Variants in SANBR observed in about 807,000 individuals in gnomAD.
SANBR encodes SANT and BTB domain regulator of class switch recombination.
Under a neutral mutation model 101.8 loss-of-function variants are expected in SANBR, and 77 were observed. That is an observed-to-expected ratio of 0.76 (90% CI 0.63 to 0.91). The LOEUF (loss-of-function observed/expected upper bound fraction) is 0.91. Ranked by LOEUF, SANBR falls within the 40% of genes least tolerant of loss-of-function variation. The pLI is 0.00. For missense variants in SANBR, 875 were observed against 853.0 expected (o/e 1.03, Z -0.32); for synonymous variants, 279 against 274.7 (o/e 1.02, Z -0.15).
At chr2:61,111,257 G>T (rs1202335454) in intron 16 of SANBR, among the ~76,000 whole-genome samples, 1 of 152,152 alleles carries the variant, frequency 6.6e-6, no homozygotes, top group African/African-American at 2.4e-5. Context: ...GCCAGGCGTG[G>T]TGGCGGGCAC....
chr2:61,127,525 G>T (rs906250246), downstream of SANBR, among the ~76,000 whole-genome samples: 1 of 152,164 alleles, frequency 6.6e-6, no homozygotes, highest in African/African-American at 2.4e-5. Context: ...TATTAAACAT[G>T]AACACTTGGA....
intron 4 of SANBR, 147 bp from the exon 5 acceptor site, chr2:61,073,311 G>C: frequency 2.3e-6 from 1 of 434,122 alleles, no homozygotes; most frequent in South Asian, 7.4e-5. Context: ...AAATACTAAA[G>C]GAAAATGCCA....
At position 61,085,300 on chromosome 2, in the gene SANBR, A is replaced by AT. The variant is rs879628590; in HGVS notation, c.890+1995dup. Among the ~76,000 whole-genome samples, 102 of 151,182 alleles carry AT rather than the reference A, an allele frequency of 6.7e-4. No homozygotes were observed. The Middle Eastern group carries it at 0.027, about 40-fold the overall frequency. The stretch of plus-strand genomic sequence containing the variant: ...TTTTTCTGTTATTCATCTTGAATTA[A>AT]TTTTTTTTTGTGGTATGAGGTAGGG... On this transcript the variant is annotated intron_variant, in intron 8 of 21. Coordinates refer to ENST00000402291, the MANE Select transcript of SANBR (RefSeq NM_001129993.3).
At chr2:61,118,202 A>AG in intron 20 of SANBR, 86 bp downstream of exon 20, 1 of 867,070 alleles carries the variant, frequency 1.2e-6, no homozygotes. Flanking sequence ...AAGATGTCTT[A>AG]GGCAGAATTT....
rs978400084 is a variant in SANBR at position 61,124,233 on chromosome 2, A to C, written c.*2071A>C. 1.0e-6 allele frequency: 1 copy of C among 970,090 alleles called. No individual in the cohort carries two copies. The highest frequency in any genetic ancestry group is 1.8e-5 in the African/African-American group (1 of 56,908). The allele number at this position is 970,090 out of a possible 1,614,324, so 60.1% of individuals were successfully genotyped here. A position where few individuals can be genotyped will look rare whatever the true frequency, so the allele number is the denominator to read the frequency against. ...ATACTTTAATATTTCACCTTACATT[A>C]ATCCTGGATTCACATTTCTTTAATT... On this transcript the variant is annotated 3_prime_UTR_variant, in exon 22 of 22. Coordinates refer to ENST00000402291, the MANE Select transcript of SANBR (RefSeq NM_001129993.3).
At chr2:61,094,495 A>G (rs763409454) in intron 11 of SANBR, among the ~76,000 whole-genome samples, 2 of 152,182 alleles carry the variant, frequency 1.3e-5, no homozygotes, top group East Asian at 1.9e-4. Context: ...TTGTATGACT[A>G]TATCACAGTA....
At chr2:61,091,755 C>A (rs912463039) in intron 10 of SANBR, among the ~76,000 whole-genome samples, 16 of 151,956 alleles carry the variant, frequency 1.1e-4, no homozygotes, top group African/African-American at 3.9e-4. Flanking sequence ...CAGAGTATGA[C>A]CCTGTCTCAA....
chr2:61,097,694 T>C lies in SANBR; in HGVS notation c.1213-6T>C. 1 of 1,585,708 alleles carries C rather than the reference T, an allele frequency of 6.3e-7. No individual in the cohort carries two copies. The highest frequency in any genetic ancestry group is 8.6e-7 in the Non-Finnish European group (1 of 1,161,188). On this transcript the variant is annotated splice_region_variant and splice_polypyrimidine_tract_variant and intron_variant, in intron 11 of 21. Transcript: ENST00000402291. The stretch of plus-strand genomic sequence containing the variant: ...TAGTAGTTGATTTTATCTATGTCTT[T>C]ATCAGGCCTTTCTCTGTATTGAATT...
chr2:61,086,118 A>G (rs923563597), intron 8 of SANBR, among the ~76,000 whole-genome samples: 34 of 151,978 alleles, frequency 2.2e-4, no homozygotes, highest in African/African-American at 7.0e-4. Context: ...TATTTCACCA[A>G]TGTCTTGTAG....
intron 2 of SANBR, among the ~76,000 whole-genome samples, chr2:61,069,199 G>A (rs559570546): frequency 6.6e-6 from 1 of 152,280 alleles, no homozygotes; most frequent in East Asian, 1.9e-4. Context: ...CCTGTGCTGT[G>A]TTTTAAATAT....
At chr2:61,137,308 T>C (rs563193070) in intron 21 of SANBR, among the ~76,000 whole-genome samples, 1 of 151,918 alleles carries the variant, frequency 6.6e-6, no homozygotes, top group South Asian at 2.1e-4. Flanking sequence ...ATAATAATAA[T>C]GAAATGTTTC....
At chr2:61,088,968 C>G in intron 10 of SANBR, 2 of 888,226 alleles carry the variant, frequency 2.3e-6, no homozygotes, top group Non-Finnish European at 2.7e-6. Context: ...ATTTTATTTA[C>G]TGGGTAAGTG....
At chr2:61,129,585 T>G (rs1684623264) in intron 20 of SANBR, among the ~76,000 whole-genome samples, 1 of 152,178 alleles carries the variant, frequency 6.6e-6, no homozygotes, top group African/African-American at 2.4e-5. Flanking sequence ...ATGTATATAA[T>G]TTTATTGTTG....
At chr2:61,106,882 G>A (rs903495577) in intron 14 of SANBR, among the ~76,000 whole-genome samples, 2 of 152,008 alleles carry the variant, frequency 1.3e-5, no homozygotes, top group African/African-American at 4.8e-5. Flanking sequence ...AAACAACATG[G>A]GGCCAGCCAC....
At chr2:61,101,513 C>T (rs1442518252) in intron 12 of SANBR, among the ~76,000 whole-genome samples, 1 of 151,670 alleles carries the variant, frequency 6.6e-6, no homozygotes, top group Non-Finnish European at 1.5e-5. Context: ...GCGGGCGGAT[C>T]ACGAGGTCAG....
intron 6 of SANBR, among the ~76,000 whole-genome samples, chr2:61,080,764 G>A (rs1573600803): frequency 6.6e-6 from 1 of 151,938 alleles, no homozygotes; most frequent in East Asian, 1.9e-4. Flanking sequence ...CTTGAATCTA[G>A]AGTTGTTATT....
chr2:61,122,158 C>CAT lies in SANBR; in HGVS notation c.2155_2156dup (p.Ter719TyrfsTer5). 2 of 1,549,480 alleles carry CAT rather than the reference C, an allele frequency of 1.3e-6. No homozygotes were observed. Among genetic ancestry groups the CAT allele is most frequent in the Non-Finnish European group, 8.7e-7 (1 of 1,145,420 alleles). Reference sequence around the variant, plus strand: ...AGTCGTTTTGGTCAAGGGCGTCCTGCATAAAGTACCTTAAAATATAAGTAA... The same window carrying CAT: ...AGTCGTTTTGGTCAAGGGCGTCCTGCATATAAAGTACCTTAAAATATAAGTAA... On this transcript the variant is annotated frameshift_variant, in exon 22 of 22. Transcript: ENST00000402291. LOFTEE classifies it high-confidence loss of function.
At chr2:61,078,308 A>C (rs1367117114) in intron 6 of SANBR, among the ~76,000 whole-genome samples, 2 of 152,232 alleles carry the variant, frequency 1.3e-5, no homozygotes, top group Non-Finnish European at 2.9e-5. Context: ...ACCATTTGTC[A>C]AGTTTGGTGT....
intron 17 of SANBR, chr2:61,116,931 C>T (rs1219655683): frequency 5.6e-6 from 1 of 177,808 alleles, no homozygotes; most frequent in Non-Finnish European, 1.2e-5. Flanking sequence ...GTGGCACACA[C>T]CTGTAGTCCC....
Sources: gnomAD v4.1 joint callset for allele counts (sites outside exome capture counted in the v4.1 genomes callset) on GRCh38, gnomAD v4.1.1 for gene constraint, MANE v1.5 for transcripts, NCBI Gene and HGNC (gene_info 2026-07-23, HGNC 2026-07-21) for gene names.